The following SHISA9 variants were observed in gnomAD, a reference collection of about 807,000 sequenced individuals.
SHISA9 encodes the protein protein shisa-9.
SHISA9 carries 13 observed loss-of-function variants against 38.0 expected under a neutral mutation model. The observed-to-expected ratio is 0.34, with a 90% CI of 0.22 to 0.54. The LOEUF is 0.54. Among genes scored for constraint, SHISA9 ranks in the 20% least tolerant of loss-of-function variants. SHISA9 has a pLI of 0.91. For synonymous variants in SHISA9, 275 were observed against 242.0 expected (o/e 1.14, Z -1.27); for missense variants, 538 against 575.8 (o/e 0.93, Z 0.67).
chr16:13,539,234 A>G, the SHISA9 span, among the ~76,000 whole-genome samples: 1 of 149,348 alleles, frequency 6.7e-6, no homozygotes, highest in South Asian at 2.1e-4. Flanking sequence ...AGCTCAAGAG[A>G]TCCTCTTACC....
chr16:13,255,901 C>A, the SHISA9 span, among the ~76,000 whole-genome samples: 1 of 152,218 alleles, frequency 6.6e-6, no homozygotes, highest in East Asian at 1.9e-4. Context: ...AGCTCACTCT[C>A]CATACTGCAG....
At chr16:13,223,793 GGCATGT>G (rs1406233816) in intron 4 of SHISA9, among the ~76,000 whole-genome samples, 7 of 152,176 alleles carry the variant, frequency 4.6e-5, no homozygotes, top group Admixed American at 4.6e-4. Context: ...GGCAAGAGAG[GGCATGT>G]GCAGAGGAAT....
chr16:13,381,297 C>G, the SHISA9 span, among the ~76,000 whole-genome samples: 1 of 152,068 alleles, frequency 6.6e-6, no homozygotes, highest in Admixed American at 6.5e-5. Context: ...AGCAGTGGAA[C>G]TAATAACCAG....
At position 12,910,491 on chromosome 16, in the gene SHISA9, C is replaced by T. The variant is rs976808101; in HGVS notation, c.564-6197C>T. ...GAAATGTACAAGAAAGTTGAGCCAG[C>T]ACTTTTATAAGTACTGGTTCTAGTA... is the stretch of plus-strand genomic sequence containing the variant. On this transcript the variant is annotated intron_variant, in intron 1 of 4. Coordinates refer to ENST00000558583, the MANE Select transcript of SHISA9 (RefSeq NM_001145204.3). The T allele has an allele frequency of 3.0e-6, 3 of 985,268 alleles. No individual in the cohort carries two copies. The African/African-American group carries it at 5.2e-5, about 17-fold the overall frequency. 61.0% of individuals were successfully genotyped at this position (985,268 alleles called of 1,614,324 possible).
intron 3 of SHISA9, among the ~76,000 whole-genome samples, chr16:13,206,863 G>A (rs745418711): frequency 6.6e-6 from 1 of 152,292 alleles, no homozygotes; most frequent in African/African-American, 2.4e-5. Flanking sequence ...AATATACTCA[G>A]TGTTACTAGG....
chr16:13,212,526 A>G (rs1476460778), intron 3 of SHISA9, among the ~76,000 whole-genome samples: 1 of 152,228 alleles, frequency 6.6e-6, no homozygotes, highest in Non-Finnish European at 1.5e-5. Context: ...ATTTATAATG[A>G]AAACTCCAGG....
At chr16:13,463,639 T>C in the SHISA9 span, among the ~76,000 whole-genome samples, 9 of 152,238 alleles carry the variant, frequency 5.9e-5, no homozygotes, top group Admixed American at 1.3e-4. Flanking sequence ...GAAGCTCTGT[T>C]GCCTTAAAGA....
the SHISA9 span, among the ~76,000 whole-genome samples, chr16:13,378,065 C>G: frequency 6.6e-6 from 1 of 152,284 alleles, no homozygotes; most frequent in East Asian, 1.9e-4. Context: ...TTTATGCCAA[C>G]TGGAGAGCCC....
chr16:13,082,002 A>G (rs1365075960), intron 2 of SHISA9, among the ~76,000 whole-genome samples: 4 of 152,142 alleles, frequency 2.6e-5, no homozygotes, highest in Non-Finnish European at 5.9e-5. Flanking sequence ...AGCTGCACTA[A>G]TTATCTTTTC....
intron 2 of SHISA9, among the ~76,000 whole-genome samples, chr16:13,019,386 C>T (rs150301233): frequency 1.3e-5 from 2 of 152,192 alleles, no homozygotes; most frequent in East Asian, 1.9e-4. Context: ...GAAGCCTTCC[C>T]GGCTTGCTGA....
the SHISA9 span, among the ~76,000 whole-genome samples, chr16:13,540,193 CCACACACACACACA>C: frequency 4.7e-5 from 7 of 149,630 alleles, no homozygotes; most frequent in Admixed American, 1.3e-4. Flanking sequence ...GCATACATGC[CCACACACACACACA>C]CACACACACA....
chr16:13,405,581 A>T, the SHISA9 span, among the ~76,000 whole-genome samples: 514 of 152,310 alleles, frequency 3.4e-3, 5 homozygotes, highest in African/African-American at 0.012. Context: ...TCACCCAGGC[A>T]CTAAGCATAG....
chr16:13,041,391 C>G (rs2074330847), intron 2 of SHISA9, among the ~76,000 whole-genome samples: 1 of 152,198 alleles, frequency 6.6e-6, no homozygotes, highest in African/African-American at 2.4e-5. Context: ...GTCTGCTCTG[C>G]CATTCATCAG....
In SHISA9 at chr16:12,967,525, G is replaced by A. The variant is rs1042286563; in HGVS notation, c.691+50710G>A. ...GTATACATATGTAACAAACCTGCAC[G>A]TTGTGCACATGTACCCTAAAACTTA... is the stretch of plus-strand genomic sequence containing the variant. On this transcript the variant is annotated intron_variant, in intron 2 of 4. Coordinates refer to ENST00000558583, the MANE Select transcript of SHISA9 (RefSeq NM_001145204.3). Among the ~76,000 whole-genome samples, 6 of 151,922 alleles carry A rather than the reference G, an allele frequency of 3.9e-5. No individual in the cohort carries two copies. The East Asian group carries it at 1.2e-3, about 29-fold the overall frequency.
At chr16:13,230,126 G>C (rs1296034479) in intron 4 of SHISA9, among the ~76,000 whole-genome samples, 1 of 152,202 alleles carries the variant, frequency 6.6e-6, no homozygotes, top group Non-Finnish European at 1.5e-5. Flanking sequence ...AGAGGAGACA[G>C]AAAAGAAGGC....
intron 2 of SHISA9, among the ~76,000 whole-genome samples, chr16:13,005,912 A>G (rs778105704): frequency 3.3e-5 from 5 of 152,224 alleles, no homozygotes; most frequent in African/African-American, 9.6e-5. Flanking sequence ...TGACCTCGGC[A>G]TATGAGCAGG....
At chr16:13,020,957 C>G (rs903490935) in intron 2 of SHISA9, among the ~76,000 whole-genome samples, 1 of 152,194 alleles carries the variant, frequency 6.6e-6, no homozygotes, top group African/African-American at 2.4e-5. Flanking sequence ...TCCCGGGATT[C>G]TCTGGTGATT....
intron 2 of SHISA9, among the ~76,000 whole-genome samples, chr16:13,010,749 C>T (rs769599224): frequency 3.3e-5 from 5 of 152,066 alleles, no homozygotes; most frequent in Non-Finnish European, 5.9e-5. Context: ...GTCAGGAGTT[C>T]GAGACCGGTC....
chr16:13,555,426 C>T, the SHISA9 span, among the ~76,000 whole-genome samples: 40 of 152,192 alleles, frequency 2.6e-4, no homozygotes, highest in African/African-American at 7.5e-4. Flanking sequence ...ATTCTTCCAC[C>T]GAAATGTGAG....
Sources: allele counts gnomAD v4.1 joint callset (sites outside exome capture counted in the v4.1 genomes callset), GRCh38; gene constraint gnomAD v4.1.1; transcripts MANE v1.5; gene names NCBI Gene and HGNC (gene_info 2026-07-23, HGNC 2026-07-21).